The following FBLN1 variants were observed in gnomAD, a reference collection of about 807,000 sequenced individuals.
FBLN1 encodes the protein fibulin 1.
A neutral mutation model predicts 89.7 loss-of-function variants in FBLN1; 34 were observed. The ratio of observed to expected loss-of-function variants is 0.38; its 90% CI spans 0.29 to 0.50. FBLN1 has a LOEUF of 0.50. Ranked by LOEUF, FBLN1 falls within the 20% of genes least tolerant of loss-of-function variation. FBLN1 has a pLI of 0.92. For missense variants in FBLN1, 777 were observed against 988.1 expected, an observed-to-expected ratio of 0.79 and a Z score of 2.86; for synonymous variants, 393 against 391.3, an observed-to-expected ratio of 1.00 and a Z score of -0.05.
intron 2 of FBLN1, among the ~76,000 whole-genome samples, chr22:45,520,811 G>C (rs984050106): frequency 1.3e-5 from 2 of 151,978 alleles, no homozygotes; most frequent in Admixed American, 1.3e-4. Flanking sequence ...AAATTTTGGA[G>C]TTATCTTTTT....
rs1432919829 is a variant in FBLN1, at chr22:45,525,607, C to G, written c.250C>G (p.Leu84Val). 6.4e-7 allele frequency: 1 copy of G among 1,550,788 alleles called. No homozygotes were observed. The highest frequency in any genetic ancestry group is 1.4e-5 in the African/African-American group (1 of 73,062). Residue 84 changes from leucine (L) to valine (V), a missense_variant, in exon 3 of 17, where the codon CTG becomes GTG. By Grantham distance (32) the Leu-to-Val change is conservative. Transcript: ENST00000327858. ...GCTGCACTGTGCCACGGGCATCAGC[C>G]TGGCCAACGAGCAGGACCGCTGTGC... The part of the protein sequence containing the change: ...EELHCATGIS[L>V]ANEQDRCATP...
At position 45,552,440 on chromosome 22, in the gene FBLN1, C is replaced by G. The variant is rs558893812; in HGVS notation, c.1697+1825C>G. On this transcript the variant is annotated intron_variant, in intron 14 of 16. Transcript: ENST00000327858. ...CCCGGGACTGATAGTGAGGAGGGGC[C>G]ACCCCCTCTCAGCACTGCTAACCCC... 4.6e-5 allele frequency among the ~76,000 whole-genome samples: 7 copies of G among 152,292 alleles called. No individual in the cohort carries two copies. The South Asian group carries it at 1.5e-3, about 32-fold the overall frequency.
chr22:45,553,570 T>A (rs1191785530), intron 14 of FBLN1, among the ~76,000 whole-genome samples: 1 of 152,242 alleles, frequency 6.6e-6, no homozygotes, highest in Admixed American at 6.5e-5. Context: ...AGTACGATCA[T>A]TGAAGCCAGG....
intron 14 of FBLN1, among the ~76,000 whole-genome samples, chr22:45,568,616 GCT>G (rs1397267617): frequency 1.1e-3 from 129 of 121,952 alleles, no homozygotes; most frequent in South Asian, 2.5e-3. Context: ...GTAAGGGAAT[GCT>G]CCTCCTGTAA....
At chr22:45,508,033 C>T (rs1016055312) in intron 1 of FBLN1, among the ~76,000 whole-genome samples, 1 of 152,156 alleles carries the variant, frequency 6.6e-6, no homozygotes, top group African/African-American at 2.4e-5. Flanking sequence ...CCCCACAGCA[C>T]GGGGACTCGA....
chr22:45,555,147 C>T (rs9614705), intron 14 of FBLN1, among the ~76,000 whole-genome samples: 1 of 151,004 alleles, frequency 6.6e-6, no homozygotes, highest in Non-Finnish European at 1.5e-5. Flanking sequence ...GGGACCCGTC[C>T]GTGTCTCCAC....
At position 45,581,634 on chromosome 22, in the gene FBLN1, T is replaced by A. The variant is rs1486652074; in HGVS notation, c.1972+4526T>A. Among the ~76,000 whole-genome samples, 3 of 152,136 alleles carry A rather than the reference T, an allele frequency of 2.0e-5. No individual in the cohort carries two copies. The highest frequency in any genetic ancestry group is 2.1e-4 in the South Asian group (1 of 4,808). ...TTGGGCCTCCCGGGTTGCAGGGAGC[T>A]ACGGAGTTGTCTTTGTAGTTTTTTG... On this transcript the variant is annotated intron_variant, in intron 16 of 16. Transcript: ENST00000327858. The surrounding 1 kb of genome is among the most constrained non-coding windows in gnomAD (Gnocchi z 7.6).
intron 14 of FBLN1, among the ~76,000 whole-genome samples, chr22:45,552,705 C>CA (rs2088720267): frequency 6.6e-6 from 1 of 152,192 alleles, no homozygotes; most frequent in Non-Finnish European, 1.5e-5. Context: ...TCTCTCCACT[C>CA]AGACGGCTTC....
chr22:45,577,002 G>T lies in FBLN1; in HGVS notation c.1866G>T (p.Thr622=). 7 of 1,614,052 alleles carry T rather than the reference G, an allele frequency of 4.3e-6. No individual in the cohort carries two copies. Among genetic ancestry groups the T allele is most frequent in the Non-Finnish European group, 5.9e-6 (7 of 1,180,030 alleles). Residue 622 remains threonine, a synonymous_variant, in exon 16 of 17, where the codon ACG becomes ACT. Transcript: ENST00000327858. The surrounding 1 kb of genome is among the most constrained non-coding windows in gnomAD (Gnocchi z 6.6). The stretch of plus-strand genomic sequence containing the variant: ...AGATCATCTTCCTCCGGGCCATCAC[G>T]CCACCGCATCCTGCCAGCCAGGCTA... ...PEEIIFLRAI[T]PPHPASQANI...
At chr22:45,513,994 T>C (rs1478033096) in intron 1 of FBLN1, among the ~76,000 whole-genome samples, 1 of 152,146 alleles carries the variant, frequency 6.6e-6, no homozygotes, top group Non-Finnish European at 1.5e-5. Context: ...GGTTTCACCA[T>C]GTTGGTCAGG....
intron 6 of FBLN1, among the ~76,000 whole-genome samples, chr22:45,533,487 A>T (rs1305401019): frequency 6.6e-6 from 1 of 152,112 alleles, no homozygotes; most frequent in Non-Finnish European, 1.5e-5. Flanking sequence ...GAGATGGGGG[A>T]GATGGAGAAG....
At chr22:45,523,004 T>G in intron 2 of FBLN1, 1 of 584,728 alleles carries the variant, frequency 1.7e-6, no homozygotes, top group Non-Finnish European at 3.2e-6. Context: ...AATAAGTCCG[T>G]CTGATGGTTT....
chr22:45,571,893 G>T (rs1261123634), intron 14 of FBLN1, among the ~76,000 whole-genome samples: 3 of 152,110 alleles, frequency 2.0e-5, no homozygotes, highest in Non-Finnish European at 4.4e-5. Context: ...CACTATGGGA[G>T]GCCAAGGCAG....
At chr22:45,539,912 C>T (rs952650797) in intron 8 of FBLN1, among the ~76,000 whole-genome samples, 11 of 152,314 alleles carry the variant, frequency 7.2e-5, no homozygotes, top group Non-Finnish European at 1.0e-4. Flanking sequence ...CTCTGCTAAA[C>T]GCTGCATTTA....
At chr22:45,517,416 C>T (rs1000651792) in intron 1 of FBLN1, 2 of 382,440 alleles carry the variant, frequency 5.2e-6, no homozygotes, top group Admixed American at 3.3e-5. Context: ...GGGTCTTCTC[C>T]CTTCCGTGAG....
rs1199877704 is a variant in FBLN1 at position 45,574,628 on chromosome 22, C to G, written c.1815C>G (p.Thr605=). The change falls in exon 15 of 17, where the codon ACC becomes ACG. Residue 605 remains threonine, a synonymous_variant. Transcript: ENST00000327858. This position sits in a 1 kb window ranked among gnomAD's most constrained non-coding sequence, Gnocchi z 4.1. The stretch of plus-strand genomic sequence containing the variant: ...CCCACACCGTCATCTCGCTGCCTAC[C>G]TTCCGCGAGTTCACCCGCCCTGAAG... ...TISHTVISLP[T]FREFTRPEEI... 1 of 1,614,084 alleles carries G rather than the reference C, an allele frequency of 6.2e-7. No homozygotes were observed. The highest frequency in any genetic ancestry group is 1.1e-5 in the South Asian group (1 of 91,074).
At position 45,565,452 on chromosome 22, in the gene FBLN1, G is replaced by T. The variant is rs186084660; in HGVS notation, c.1698-9059G>T. On this transcript the variant is annotated intron_variant, in intron 14 of 16. Transcript: ENST00000327858. ...GTGCCATGCTGTCCCCCTGCAGACTGCCATTCTCCTTGCAGACTTGGCTCA... is the reference window on the plus strand; with the variant it reads ...GTGCCATGCTGTCCCCCTGCAGACTTCCATTCTCCTTGCAGACTTGGCTCA... 19 of 400,658 alleles carry T rather than the reference G, an allele frequency of 4.7e-5. No homozygotes were observed. The East Asian group carries it at 1.3e-3, about 28-fold the overall frequency. 24.8% of individuals were successfully genotyped at this position (400,658 alleles called of 1,614,324 possible). A position where few individuals can be genotyped will look rare whatever the true frequency, so the allele number is the denominator to read the frequency against.
At chr22:45,573,039 C>T (rs2147024998) in intron 14 of FBLN1, among the ~76,000 whole-genome samples, 2 of 152,086 alleles carry the variant, frequency 1.3e-5, no homozygotes, top group East Asian at 2.0e-4. Context: ...CCAGCCCGAC[C>T]AACATGGTGA....
chr22:45,594,858 A>ATGGG (rs2089171118), intron 16 of FBLN1, among the ~76,000 whole-genome samples: 1 of 151,348 alleles, frequency 6.6e-6, no homozygotes, highest in Non-Finnish European at 1.5e-5. Context: ...GGGTGGGTGG[A>ATGGG]TGGATGGATG....
Sources: gnomAD v4.1 joint callset for allele counts (sites outside exome capture counted in the v4.1 genomes callset) on GRCh38, gnomAD v4.1.1 for gene constraint, Gnocchi (gnomAD v3.1) non-coding constraint, MANE v1.5 for transcripts, NCBI Gene and HGNC (gene_info 2026-07-23, HGNC 2026-07-21) for gene names.